The following CFTR variants were observed in gnomAD, a reference collection of about 807,000 sequenced individuals.
The protein encoded by CFTR is CF transmembrane conductance regulator.
Under a neutral mutation model 171.6 loss-of-function variants are expected in CFTR, and 181 were observed. The ratio of observed to expected loss-of-function variants is 1.05; its 90% CI spans 0.93 to 1.19. The LOEUF (loss-of-function observed/expected upper bound fraction) is 1.19. Ranked by LOEUF, CFTR falls within the 50% of genes most tolerant of loss-of-function variation. The pLI, the probability that CFTR is intolerant of heterozygous loss-of-function variation, is 0.00. For missense variants in CFTR, 1,968 were observed against 1,734.7 expected, an observed-to-expected ratio of 1.13 and a Z score of -2.39; for synonymous variants, 583 against 608.0, an observed-to-expected ratio of 0.96 and a Z score of 0.60.
intron 1 of CFTR, among the ~76,000 whole-genome samples, chr7:117,501,703 C>T (rs1798328949): frequency 2.4e-5 from 3 of 126,836 alleles, no homozygotes; most frequent in South Asian, 2.7e-4. Context: ...GCTGAGATTG[C>T]GCCATTGCGC....
At chr7:117,602,200 T>C (rs768577036) in intron 15 of CFTR, among the ~76,000 whole-genome samples, 13 of 152,178 alleles carry the variant, frequency 8.5e-5, no homozygotes, top group Non-Finnish European at 1.6e-4. Flanking sequence ...GCCTGGCTAA[T>C]AGTTTTTGAT....
At chr7:117,602,408 G>A (rs548495119) in intron 15 of CFTR, among the ~76,000 whole-genome samples, 1 of 152,246 alleles carries the variant, frequency 6.6e-6, no homozygotes, top group African/African-American at 2.4e-5. Flanking sequence ...ACAAGTATTA[G>A]TCCCCTATAA....
At chr7:117,605,832 A>G (rs559503435) in intron 17 of CFTR, among the ~76,000 whole-genome samples, 1 of 152,294 alleles carries the variant, frequency 6.6e-6, no homozygotes, top group East Asian at 1.9e-4. Context: ...CAAATTATGC[A>G]AGGCATTAAA....
intron 15 of CFTR, among the ~76,000 whole-genome samples, chr7:117,598,226 C>G (rs1792168974): frequency 6.6e-6 from 1 of 152,190 alleles, no homozygotes; most frequent in Admixed American, 6.5e-5. Flanking sequence ...CAAAACACAT[C>G]TGTGGCTTGG....
Position 117,540,296 on chromosome 7 carries a change from T to A in CFTR, c.1066T>A (p.Trp356Arg), listed in dbSNP as rs1799031754. 6.2e-7 allele frequency: 1 copy of A among 1,614,086 alleles called. No homozygotes were observed. Among genetic ancestry groups the A allele is most frequent in the East Asian group, 2.2e-5 (1 of 44,882 alleles). The change falls in exon 8 of 27, where the codon TGG becomes AGG. Residue 356 changes from tryptophan to arginine, a missense_variant. Transcript: ENST00000003084. ...CATGGCGGTCACTCGGCAATTTCCC[T>A]GGGCTGTACAAACATGGTATGACTC... Reference protein sequence around the residue: ...LRMAVTRQFPWAVQTWYDSLG... With the variant: ...LRMAVTRQFPRAVQTWYDSLG...
At chr7:117,633,074 G>C (rs1792774426) in intron 22 of CFTR, among the ~76,000 whole-genome samples, 1 of 152,120 alleles carries the variant, frequency 6.6e-6, no homozygotes, top group South Asian at 2.1e-4. Context: ...TTTTGATTGT[G>C]ATTGGCTTGA....
intron 11 of CFTR, among the ~76,000 whole-genome samples, chr7:117,582,615 T>G (rs902142256): frequency 9.9e-5 from 15 of 152,092 alleles, no homozygotes; most frequent in African/African-American, 3.4e-4. Flanking sequence ...CCTCCTGGAA[T>G]GCATACCATG....
chr7:117,532,467 A>G (rs1798879858), intron 4 of CFTR, among the ~76,000 whole-genome samples: 1 of 152,196 alleles, frequency 6.6e-6, no homozygotes, highest in Admixed American at 6.5e-5. Flanking sequence ...ACATGGTGTG[A>G]ACACTGCTTC....
At chr7:117,581,883 G>T (rs780339693) in intron 11 of CFTR, among the ~76,000 whole-genome samples, 21 of 151,902 alleles carry the variant, frequency 1.4e-4, no homozygotes, top group Non-Finnish European at 2.2e-4. Flanking sequence ...CTCCAGAGTA[G>T]CTAGGACTAC....
intron 1 of CFTR, among the ~76,000 whole-genome samples, chr7:117,489,571 G>A (rs945671158): frequency 6.6e-5 from 10 of 151,970 alleles, no homozygotes; most frequent in Admixed American, 3.9e-4. Flanking sequence ...ATGCAAACAG[G>A]TATGTCAAAG....
chr7:117,626,009 G>A (rs1792643801), intron 21 of CFTR, among the ~76,000 whole-genome samples: 1 of 152,070 alleles, frequency 6.6e-6, no homozygotes, highest in African/African-American at 2.4e-5. Flanking sequence ...TTTAGGTTGT[G>A]GGCTTTGGGT....
At chr7:117,598,251 T>A (rs1792169494) in intron 15 of CFTR, among the ~76,000 whole-genome samples, 1 of 152,236 alleles carries the variant, frequency 6.6e-6, no homozygotes, top group Non-Finnish European at 1.5e-5. Context: ...AGCTTGTGAA[T>A]GATTACTGCA....
Position 117,559,494 on chromosome 7 carries a change from C to A in CFTR, c.1423C>A (p.Leu475Met). ...ACTTCTAATGGTGATTATGGGAGAA[C>A]TGGAGCCTTCAGAGGGTAAAATTAA... Reference protein sequence around the residue: ...TSLLMVIMGELEPSEGKIKHS... With the variant: ...TSLLMVIMGEMEPSEGKIKHS... The change falls in exon 11 of 27, where the codon CTG (leucine) becomes ATG (methionine). Residue 475 changes from leucine to methionine, a missense_variant. Physicochemically the swap from Leu to Met is conservative, Grantham distance 15. Transcript: ENST00000003084. The A allele has an allele frequency of 6.2e-7, 1 of 1,610,428 alleles. No homozygotes were observed. The highest frequency in any genetic ancestry group is 8.5e-7 in the Non-Finnish European group (1 of 1,176,908).
At chr7:117,569,238 T>C (rs977660567) in intron 11 of CFTR, among the ~76,000 whole-genome samples, 6 of 152,000 alleles carry the variant, frequency 3.9e-5, no homozygotes, top group African/African-American at 1.4e-4. Context: ...AGAGGGGCTG[T>C]GAAGGACACC....
chr7:117,594,122 G>A (rs213971), intron 14 of CFTR, among the ~76,000 whole-genome samples: 82,758 of 151,938 alleles, frequency 0.54, 25,228 homozygotes, highest in African/African-American at 0.83. Flanking sequence ...TTCAGAGTTC[G>A]GCAACATGCT....
chr7:117,528,410 C>A (rs1475763040), intron 3 of CFTR, among the ~76,000 whole-genome samples: 1 of 116,578 alleles, frequency 8.6e-6, no homozygotes, highest in East Asian at 3.0e-4. Flanking sequence ...ACCATAAAAA[C>A]CCTAGAAGAA....
intron 21 of CFTR, among the ~76,000 whole-genome samples, chr7:117,620,870 C>G (rs927668502): frequency 5.3e-5 from 8 of 152,106 alleles, no homozygotes; most frequent in African/African-American, 1.7e-4. Flanking sequence ...ACTTTGAGAG[C>G]CTGGGGCAGG....
chr7:117,666,798 G>C (rs568948497), intron 26 of CFTR, 110 bp from the exon 27 acceptor site: 10 of 890,444 alleles, frequency 1.1e-5, no homozygotes, highest in Admixed American at 7.6e-5. Context: ...CAAGGCTCTG[G>C]ACATTGCATT....
intron 13 of CFTR, among the ~76,000 whole-genome samples, chr7:117,591,603 A>C (rs1013773306): frequency 6.6e-6 from 1 of 152,106 alleles, no homozygotes; most frequent in Non-Finnish European, 1.5e-5. Context: ...AAGATCATCT[A>C]ATAATTTCCT....
Sources: gnomAD v4.1 joint callset for allele counts (sites outside exome capture counted in the v4.1 genomes callset) on GRCh38, gnomAD v4.1.1 for gene constraint, MANE v1.5 for transcripts, NCBI Gene and HGNC (gene_info 2026-07-23, HGNC 2026-07-21) for gene names.